The following ABCD2 variants were observed in gnomAD, a reference collection of about 807,000 sequenced individuals.
ABCD2 encodes ATP binding cassette subfamily D member 2, also known as ATP-binding cassette sub-family D member 2.
In ABCD2, 36 loss-of-function variants were observed where a neutral mutation model predicts 70.9. The observed-to-expected ratio is 0.51, with a 90% CI of 0.39 to 0.67. ABCD2 has a LOEUF of 0.67. ABCD2 is among the 30% of genes least tolerant of loss of function. The pLI is 0.00. For synonymous variants in ABCD2, 304 were observed against 306.9 expected (o/e 0.99, Z 0.10); for missense variants, 729 against 890.2 (o/e 0.82, Z 2.30).
intron 9 of ABCD2, among the ~76,000 whole-genome samples, chr12:39,556,368 G>A (rs56398632): frequency 0.034 from 5,139 of 152,262 alleles, 135 homozygotes; most frequent in Non-Finnish European, 0.05. Context: ...GAGACAAGGC[G>A]TAGGCAGTTG....
At chr12:39,534,058 C>T in the ABCD2 span, among the ~76,000 whole-genome samples, 1 of 151,926 alleles carries the variant, frequency 6.6e-6, no homozygotes, top group African/African-American at 2.4e-5. Context: ...TTTTTCTCCA[C>T]CCATTTTAAG....
At chr12:39,568,246 G>T (rs975908378) in intron 9 of ABCD2, among the ~76,000 whole-genome samples, 9 of 152,236 alleles carry the variant, frequency 5.9e-5, no homozygotes, top group African/African-American at 2.2e-4. Flanking sequence ...CATTCTCCCC[G>T]TCACTTTCAG....
Position 39,614,494 on chromosome 12 carries a change from C to T in ABCD2, c.1120+2494G>A, listed in dbSNP as rs569328305. 2.2e-4 allele frequency among the ~76,000 whole-genome samples: 33 copies of T among 151,782 alleles called. No individual in the cohort carries two copies. The South Asian group carries it at 2.7e-3, about 12-fold the overall frequency. On this transcript the variant is annotated intron_variant, in intron 2 of 9. Coordinates refer to ENST00000308666, the MANE Select transcript of ABCD2 (RefSeq NM_005164.4). ...TTTTCTTCATTTTATCCTCTTTTTCCCCCCTCTACTTCACATTTTCCCCTT... is the reference window on the plus strand; with the variant it reads ...TTTTCTTCATTTTATCCTCTTTTTCTCCCCTCTACTTCACATTTTCCCCTT...
chr12:39,600,901 G>T (rs953447558), intron 5 of ABCD2, among the ~76,000 whole-genome samples, 185 bp from the exon 6 acceptor site: 1 of 152,074 alleles, frequency 6.6e-6, no homozygotes, highest in Non-Finnish European at 1.5e-5. Context: ...GAAGCTAAAA[G>T]CATCATAAAA....
intron 6 of ABCD2, among the ~76,000 whole-genome samples, chr12:39,588,749 G>A (rs1941701653): frequency 6.6e-6 from 1 of 151,302 alleles, no homozygotes; most frequent in South Asian, 2.1e-4. Context: ...CCAAATTGAG[G>A]TGTTCTCTTA....
intron 2 of ABCD2, among the ~76,000 whole-genome samples, chr12:39,610,639 T>A (rs1220616918): frequency 2.0e-5 from 3 of 152,220 alleles, no homozygotes; most frequent in Non-Finnish European, 4.4e-5. Context: ...CATCGACAGC[T>A]TCTGTTAAGA....
intron 8 of ABCD2, among the ~76,000 whole-genome samples, chr12:39,578,414 C>T (rs1941550120): frequency 1.4e-5 from 2 of 145,708 alleles, no homozygotes; most frequent in Non-Finnish European, 3.0e-5. Flanking sequence ...GCGGAGCTTG[C>T]AGTGAGCCGA....
intron 9 of ABCD2, among the ~76,000 whole-genome samples, chr12:39,568,600 A>G (rs1164312493): frequency 6.6e-6 from 1 of 151,818 alleles, no homozygotes; most frequent in East Asian, 1.9e-4. Context: ...GAGTAGTTTG[A>G]TCATCTGAAG....
intron 6 of ABCD2, among the ~76,000 whole-genome samples, chr12:39,588,962 G>A (rs978979678): frequency 6.6e-6 from 1 of 152,136 alleles, no homozygotes; most frequent in African/African-American, 2.4e-5. Context: ...AATATGGACT[G>A]TATTTTAGAT....
chr12:39,535,291 A>G, the ABCD2 span, among the ~76,000 whole-genome samples: 1 of 152,268 alleles, frequency 6.6e-6, no homozygotes, highest in Non-Finnish European at 1.5e-5. Context: ...GAATAAGGAA[A>G]CTACATATTT....
At chr12:39,556,287 T>C (rs1941163964) in intron 9 of ABCD2, among the ~76,000 whole-genome samples, 1 of 152,156 alleles carries the variant, frequency 6.6e-6, no homozygotes, top group African/African-American at 2.4e-5. Context: ...ATGAATAATA[T>C]GGTTTTTCTG....
rs1184378818 is a variant in ABCD2 at position 39,619,549 on chromosome 12, C to T, written c.67G>A (p.Ala23Thr). Residue 23 changes from alanine (A) to threonine (T), a missense_variant, in exon 1 of 10, where the codon GCT (alanine) becomes ACT (threonine). Physicochemically the swap from Ala to Thr is moderately conservative, Grantham distance 58. This residue lies in a region of ABCD2 where 245 missense variants were observed against 261.2 expected (regional missense o/e 0.94). Transcript: ENST00000308666. ...TATGCCGCAGCCACCAGGCAGGCAG[C>T]CCTCTTAGCAGCACTCGATCTGGTC... is the stretch of plus-strand genomic sequence containing the variant. ...KWTRSSAAKR[A>T]ACLVAAAYAL... The T allele has an allele frequency of 6.2e-7, 1 of 1,611,392 alleles. No individual in the cohort carries two copies. The highest frequency in any genetic ancestry group is 1.6e-4 in the Middle Eastern group (1 of 6,062).
At chr12:39,585,356 A>T (rs2120632718) in intron 7 of ABCD2, among the ~76,000 whole-genome samples, 1 of 152,146 alleles carries the variant, frequency 6.6e-6, no homozygotes, top group South Asian at 2.1e-4. Context: ...TGATTTTTGT[A>T]TGTTGATTTT....
chr12:39,559,859 T>C (rs1347768854), intron 9 of ABCD2, among the ~76,000 whole-genome samples: 4 of 152,276 alleles, frequency 2.6e-5, no homozygotes, highest in Middle Eastern at 3.4e-3. Flanking sequence ...ATATGTCTTA[T>C]AAGGAGTACT....
the ABCD2 span, among the ~76,000 whole-genome samples, chr12:39,535,999 G>A: frequency 1.3e-5 from 2 of 152,070 alleles, no homozygotes; most frequent in South Asian, 2.1e-4. Flanking sequence ...AAAATTAGCC[G>A]GAAATCACTT....
intron 9 of ABCD2, among the ~76,000 whole-genome samples, chr12:39,561,910 A>C (rs1325175230): frequency 7.9e-5 from 12 of 152,200 alleles, no homozygotes. Context: ...TACACATGGA[A>C]CATTCTCCAG....
rs56774801 is a variant in ABCD2 at position 39,563,709 on chromosome 12, T to C, written c.2004-9578A>G. On this transcript the variant is annotated intron_variant, in intron 9 of 9. Transcript: ENST00000308666. The stretch of plus-strand genomic sequence containing the variant: ...GTTACATATGTATACATGTGCCATG[T>C]TGGTGTGCTGCACCCATTAACTCAT... Among the ~76,000 whole-genome samples the C allele has an allele frequency of 5.2e-3, 791 of 152,280 alleles. 13 individuals carry two copies. Among genetic ancestry groups the C allele is most frequent in the African/African-American group, 0.018 (759 of 41,558 alleles).
chr12:39,604,853 A>G lies in ABCD2; in HGVS notation c.1314T>C (p.Tyr438=), dbSNP rs367708859. ...WVFDEVKRGI[Y]KRTAVIQESE... is the part of the protein sequence containing the mutation. ...ATTCTTGAATGACAGCAGTTCTCTT[A>G]TAAATGCCTCTTTTTACTTCATCAA... The change falls in exon 4 of 10, where the codon TAT becomes TAC. Residue 438 remains tyrosine (Y), a synonymous_variant. Transcript: ENST00000308666. 130 of 1,612,648 alleles carry G rather than the reference A, an allele frequency of 8.1e-5. No homozygotes were observed. The highest frequency in any genetic ancestry group is 1.1e-4 in the Non-Finnish European group (127 of 1,179,292).
intron 6 of ABCD2, among the ~76,000 whole-genome samples, chr12:39,596,821 C>T (rs1941822468): frequency 6.6e-6 from 1 of 152,112 alleles, no homozygotes; most frequent in Admixed American, 6.5e-5. Flanking sequence ...GGAACTGGTT[C>T]CAGGACCCCA....
Sources: allele counts gnomAD v4.1 joint callset (sites outside exome capture counted in the v4.1 genomes callset), GRCh38; gene constraint gnomAD v4.1.1; regional missense constraint gnomAD v4.1.1; transcripts MANE v1.5; gene names NCBI Gene and HGNC (gene_info 2026-07-23, HGNC 2026-07-21).